The following DOCK6 variants were observed in gnomAD, a reference collection of about 807,000 sequenced individuals.
DOCK6 encodes the protein dedicator of cytokinesis 6.
Under a neutral mutation model 230.3 loss-of-function variants are expected in DOCK6, and 167 were observed. The ratio of observed to expected loss-of-function variants is 0.73; its 90% CI spans 0.64 to 0.82. DOCK6 has a LOEUF of 0.82. Among genes scored for constraint, DOCK6 ranks in the 40% least tolerant of loss-of-function variants. DOCK6 has a pLI of 0.00. For missense variants in DOCK6, 2,598 were observed against 2,825.8 expected, an observed-to-expected ratio of 0.92 and a Z score of 1.83; for synonymous variants, 1,148 against 1,185.0, an observed-to-expected ratio of 0.97 and a Z score of 0.64.
intron 33 of DOCK6, 60 bp from the exon 34 acceptor site, chr19:11,214,469 G>C: frequency 1.9e-6 from 3 of 1,613,578 alleles, no homozygotes; most frequent in East Asian, 2.2e-5. Context: ...TGGGGAAAGG[G>C]AAGGAGAGGG....
rs774368430 is a variant in DOCK6, at chr19:11,201,084, T to C, written c.5689-32A>G. ...GGTAAGGGGAGGGGTGTGTACTCGC[T>C]GGGGCCTGAGGAGGTCCTGATCGAA... On this transcript the variant is annotated intron_variant, in intron 44 of 47. Transcript: ENST00000294618. The surrounding 1 kb of genome is among the most constrained non-coding windows in gnomAD (Gnocchi z 4.3). 1.2e-5 allele frequency: 19 copies of C among 1,610,150 alleles called. No individual in the cohort carries two copies. The highest frequency in any genetic ancestry group is 1.6e-5 in the Non-Finnish European group (19 of 1,178,978).
chr19:11,206,834 GTTTTTTT>G (rs535091337), intron 39 of DOCK6, among the ~76,000 whole-genome samples: 1 of 18,440 alleles, frequency 5.4e-5, no homozygotes, highest in Non-Finnish European at 1.0e-4. Flanking sequence ...ATTTGTGGTG[GTTTTTTT>G]TTTTTTGTTT....
chr19:11,240,330 C>T, intron 14 of DOCK6: 1 of 1,504,220 alleles, frequency 6.6e-7, no homozygotes, highest in Non-Finnish European at 8.9e-7. Flanking sequence ...TGGGCTGAGA[C>T]CCTGATTTCC....
intron 1 of DOCK6, among the ~76,000 whole-genome samples, chr19:11,257,442 A>T (rs1472333984): frequency 7.3e-6 from 1 of 137,708 alleles, no homozygotes; most frequent in Non-Finnish European, 1.5e-5. Flanking sequence ...CAGTGATGGC[A>T]CCAGTGCACT....
At position 11,199,349 on chromosome 19, in the gene DOCK6, G is replaced by C. The variant is rs749356576; in HGVS notation, c.*148C>G. ...AAGGGAGGAAGCATCAGTGCACACA[G>C]ATGGGGACACAGGGGCAGAGGGCCC... On this transcript the variant is annotated 3_prime_UTR_variant, in exon 48 of 48. Coordinates refer to ENST00000294618, the MANE Select transcript of DOCK6 (RefSeq NM_020812.4). 2.1e-6 allele frequency: 2 copies of C among 952,458 alleles called. No homozygotes were observed. Among genetic ancestry groups the C allele is most frequent in the East Asian group, 5.3e-5 (2 of 37,820 alleles). The allele number at this position is 952,458 out of a possible 1,614,324, so 59.0% of individuals were successfully genotyped here. A position where few individuals can be genotyped will look rare whatever the true frequency, so the allele number is the denominator to read the frequency against.
chr19:11,217,059 C>T lies in DOCK6; in HGVS notation c.3749G>A (p.Ser1250Asn). 2 of 1,613,410 alleles carry T rather than the reference C, an allele frequency of 1.2e-6. No homozygotes were observed. Among genetic ancestry groups the T allele is most frequent in the Non-Finnish European group, 1.7e-6 (2 of 1,179,778 alleles). ...CAGCACACACGCCAGCAAGGTCCGG[C>T]TTGACTCAGCAGAGAGGGCACAGCC... ...RAGCALSAES[S>N]RTLLACVLWV... Residue 1250 changes from serine (S) to asparagine (N), a missense_variant, in exon 30 of 48, where the codon AGC becomes AAC. Physicochemically the swap from Ser to Asn is conservative, Grantham distance 46. Transcript: ENST00000294618.
chr19:11,222,880 G>T lies in DOCK6; in HGVS notation c.3095C>A (p.Pro1032His). Residue 1032 changes from proline to histidine, a missense_variant, in exon 26 of 48, where the codon CCT becomes CAT. By Grantham distance (77) the Pro-to-His change is moderately conservative (BLOSUM62 -2). Coordinates refer to ENST00000294618, the MANE Select transcript of DOCK6 (RefSeq NM_020812.4). This position sits in a 1 kb window ranked among gnomAD's most constrained non-coding sequence, Gnocchi z 4.0. ...KQVATRLQSS[P>H]NPAALLTLRM... ...CAGGGTCAGCAGGGCTGCTGGATTA[G>T]GGGACGACTGGAGCCGCGTGGCCAC... is the stretch of plus-strand genomic sequence containing the variant. 6.2e-7 allele frequency: 1 copy of T among 1,607,878 alleles called. No homozygotes were observed. Among genetic ancestry groups the T allele is most frequent in the East Asian group, 2.2e-5 (1 of 44,636 alleles).
Position 11,233,282 on chromosome 19 carries a change from C to G in DOCK6, c.2639G>C (p.Ser880Thr). 2 of 1,613,926 alleles carry G rather than the reference C, an allele frequency of 1.2e-6. No individual in the cohort carries two copies. The highest frequency in any genetic ancestry group is 1.7e-6 in the Non-Finnish European group (2 of 1,179,870). ...PASLYLARSKSISSSNPDLAV... is the reference protein window; with the variant it reads ...PASLYLARSKTISSSNPDLAV... ...GAGGTCAGGGTTGCTGCTGCTGATG[C>G]TCTTGGAACGCGCCAGGTAGAGGCT... Residue 880 changes from serine (S) to threonine (T), a missense_variant, in exon 22 of 48, where the codon AGC becomes ACC. Ser to Thr is a moderately conservative substitution (Grantham distance 58). Coordinates refer to ENST00000294618, the MANE Select transcript of DOCK6 (RefSeq NM_020812.4).
chr19:11,213,431 G>A (rs748460436), intron 34 of DOCK6, 103 bp from the exon 35 acceptor site: 98 of 1,479,324 alleles, frequency 6.6e-5, no homozygotes, highest in Non-Finnish European at 8.7e-5. Flanking sequence ...TTTGTGTTCT[G>A]TCCTCTTTGG....
rs1683627443 is a variant in DOCK6 at position 11,222,307 on chromosome 19, A to C, written c.3241-59T>G. On this transcript the variant is annotated intron_variant, in intron 26 of 47. Transcript: ENST00000294618. The surrounding 1 kb of genome is among the most constrained non-coding windows in gnomAD (Gnocchi z 4.0). ...GGTCAAGGGTCAGAGGTGGCAGGTC[A>C]CCATTAAAGCCATCTTGGAGGTGAC... is the stretch of plus-strand genomic sequence containing the variant. 4 of 1,548,370 alleles carry C rather than the reference A, an allele frequency of 2.6e-6. No homozygotes were observed. Among genetic ancestry groups the C allele is most frequent in the Middle Eastern group, 4.1e-4 (2 of 4,846 alleles).
intron 37 of DOCK6, 41 bp from the exon 38 acceptor site, chr19:11,209,144 C>G (rs368081793): frequency 1.9e-5 from 30 of 1,573,048 alleles, no homozygotes; most frequent in Non-Finnish European, 2.5e-5. Flanking sequence ...GGGGACTCAC[C>G]TGGTCCTCCC....
At chr19:11,249,152 T>G (rs1599281892) in intron 6 of DOCK6, among the ~76,000 whole-genome samples, 1 of 152,230 alleles carries the variant, frequency 6.6e-6, no homozygotes, top group Non-Finnish European at 1.5e-5. Context: ...GGCATTCATG[T>G]ATTGAATAAA....
chr19:11,260,465 A>AGCTACTTGGGAGGCTGAGGCAGGAGG (rs2080266972), intron 1 of DOCK6, among the ~76,000 whole-genome samples: 1 of 152,032 alleles, frequency 6.6e-6, no homozygotes, highest in Middle Eastern at 3.4e-3. Context: ...CTGTAGTCCC[A>AGCTACTTGGGAGGCTGAGGCAGGAGG]GCTACTTGGG....
chr19:11,209,635 T>C (rs1333298393), intron 37 of DOCK6, among the ~76,000 whole-genome samples: 3 of 50,928 alleles, frequency 5.9e-5, no homozygotes, highest in African/African-American at 1.4e-4. Flanking sequence ...TGTCCATCCC[T>C]TCACCTGTCT....
In DOCK6 at chr19:11,209,069, G is replaced by A. The variant is rs764872626; in HGVS notation, c.4786C>T (p.Arg1596Trp). ...GCCATGTTCTGCAACCAGGTCAGCC[G>A]AAGGTCCGGTGAGCCCTGGTAGCCC... ...ARGYQGSPDL[R>W]LTWLQNMAGK... The change falls in exon 38 of 48, where the codon CGG (arginine) becomes TGG (tryptophan). Residue 1596 changes from arginine (R) to tryptophan (W), a missense_variant. Transcript: ENST00000294618. 3.1e-6 allele frequency: 5 copies of A among 1,612,294 alleles called. No individual in the cohort carries two copies. The highest frequency in any genetic ancestry group is 1.7e-5 in the Admixed American group (1 of 59,900).
Position 11,222,705 on chromosome 19 carries a change from A to AGAGAGGAGGCAG in DOCK6, c.3240+18_3240+29dup, listed in dbSNP as rs2079599437. ...CTGAAGGTGAGAGGTTGTAGGTCAA[A>AGAGAGGAGGCAG]GAGAGGAGGCAGAAGTGAAGGCAGC... On this transcript the variant is annotated intron_variant, in intron 26 of 47. Coordinates refer to ENST00000294618, the MANE Select transcript of DOCK6 (RefSeq NM_020812.4). This position sits in a 1 kb window ranked among gnomAD's most constrained non-coding sequence, Gnocchi z 4.0. The AGAGAGGAGGCAG allele has an allele frequency of 6.5e-7, 1 of 1,545,814 alleles. No homozygotes were observed. The highest frequency in any genetic ancestry group is 2.0e-5 in the Admixed American group (1 of 51,020).
Position 11,242,259 on chromosome 19 carries a change from C to T in DOCK6, c.1481-52G>A, listed in dbSNP as rs964330154. 7.9e-6 allele frequency: 11 copies of T among 1,392,816 alleles called. No individual in the cohort carries two copies. The African/African-American group carries it at 1.0e-4, about 13-fold the overall frequency. 86.3% of individuals were successfully genotyped at this position (1,392,816 alleles called of 1,614,324 possible). On this transcript the variant is annotated intron_variant, in intron 13 of 47. Transcript: ENST00000294618. ...CTGCCTGGGAGCCTCCTGGCTCAGC[C>T]CACCCTTTCTGGGCTGTGTAGTCAG... is the stretch of plus-strand genomic sequence containing the variant.
At position 11,208,984 on chromosome 19, in the gene DOCK6, G is replaced by A. The variant is rs1390079215; in HGVS notation, c.4871C>T (p.Ala1624Val). 2 of 1,607,622 alleles carry A rather than the reference G, an allele frequency of 1.2e-6. No individual in the cohort carries two copies. The highest frequency in any genetic ancestry group is 3.4e-5 in the Admixed American group (2 of 59,596). ...AEAAQCMVHA[A>V]ALVAEYLALL... Reference sequence around the variant, plus strand: ...GGCGAGGTACTCAGCCACGAGGGCGGCCGCGTGCACCATGCACTGGGCGGC... The same window carrying A: ...GGCGAGGTACTCAGCCACGAGGGCGACCGCGTGCACCATGCACTGGGCGGC... The change falls in exon 38 of 48, where the codon GCC (alanine) becomes GTC (valine). Residue 1624 changes from alanine (A) to valine (V), a missense_variant. Physicochemically the swap from Ala to Val is moderately conservative, Grantham distance 64 (BLOSUM62 0). Coordinates refer to ENST00000294618, the MANE Select transcript of DOCK6 (RefSeq NM_020812.4).
chr19:11,235,542 C>T (rs779492406), intron 21 of DOCK6, 56 bp downstream of exon 21: 8 of 1,492,346 alleles, frequency 5.4e-6, no homozygotes, highest in Non-Finnish European at 7.2e-6. Flanking sequence ...TGAGCCACCG[C>T]ACCCAGCCTC....
Sources: gnomAD v4.1 joint callset for allele counts (sites outside exome capture counted in the v4.1 genomes callset) on GRCh38, gnomAD v4.1.1 for gene constraint, Gnocchi (gnomAD v3.1) non-coding constraint, MANE v1.5 for transcripts, NCBI Gene and HGNC (gene_info 2026-07-23, HGNC 2026-07-21) for gene names.